The following PLCH1 variants were observed in gnomAD, a reference collection of about 807,000 sequenced individuals.
The protein encoded by PLCH1 is phospholipase C eta 1, also known as 1-phosphatidylinositol 4,5-bisphosphate phosphodiesterase eta-1.
Under a neutral mutation model 126.7 loss-of-function variants are expected in PLCH1, and 60 were observed. That is an observed-to-expected ratio of 0.47 (90% CI 0.38 to 0.59). PLCH1 has a LOEUF of 0.59. Among genes scored for constraint, PLCH1 ranks in the 20% least tolerant of loss-of-function variants. The probability of loss-of-function intolerance (pLI) is 0.00; values close to 1 mark genes in which losing one functional copy is unlikely to be tolerated. For synonymous variants in PLCH1, 719 were observed against 734.9 expected (o/e 0.98, Z 0.35); for missense variants, 1,723 against 2,040.0 (o/e 0.84, Z 2.99).
At chr3:155,534,023 T>A (rs1033176421) in intron 10 of PLCH1, among the ~76,000 whole-genome samples, 1 of 152,258 alleles carries the variant, frequency 6.6e-6, no homozygotes, top group Non-Finnish European at 1.5e-5. Context: ...CAAGGCAGTA[T>A]GGAAGAGAAA....
chr3:155,708,728 T>C (rs1746872275), intron 1 of PLCH1, among the ~76,000 whole-genome samples: 1 of 152,214 alleles, frequency 6.6e-6, no homozygotes, highest in Non-Finnish European at 1.5e-5. Flanking sequence ...TCACCTTTTT[T>C]TTCTTTTCAA....
chr3:155,490,960 C>T (rs537151435), intron 18 of PLCH1, 92 bp from the exon 19 acceptor site: 144 of 688,454 alleles, frequency 2.1e-4, no homozygotes, highest in Middle Eastern at 2.1e-3. Context: ...GTCTACATTT[C>T]GACAGCAACT....
Position 155,583,484 on chromosome 3 carries a change from C to T in PLCH1, c.759G>A (p.Lys253=), listed in dbSNP as rs1345968738. The change falls in exon 6 of 23, where the codon AAG becomes AAA. Residue 253 remains lysine (K), a synonymous_variant. Coordinates refer to ENST00000460012, the MANE Select transcript of PLCH1 (RefSeq NM_014996.4). The stretch of plus-strand genomic sequence containing the variant: ...AGTCTAATGATACCTTTTGCTCCAC[C>T]TTCAAAAACTGAGCCAGTTCTTCCA... The part of the protein sequence containing the change: ...LTVEELAQFL[K]VEQKMNNVTT... 15 of 1,602,964 alleles carry T rather than the reference C, an allele frequency of 9.4e-6. No individual in the cohort carries two copies. The African/African-American group carries it at 9.4e-5, about 10-fold the overall frequency.
intron 21 of PLCH1, among the ~76,000 whole-genome samples, chr3:155,452,007 C>T (rs553020845): frequency 2.0e-5 from 3 of 152,258 alleles, no homozygotes; most frequent in South Asian, 2.1e-4. Context: ...CCCTCTCTCT[C>T]TGTCTCTCTC....
At position 155,481,850 on chromosome 3, in the gene PLCH1, A is replaced by C; in HGVS notation, c.4176T>G (p.Phe1392Leu). Residue 1392 changes from phenylalanine (F) to leucine (L), a missense_variant, in exon 23 of 23, where the codon TTT (phenylalanine) becomes TTG (leucine). By Grantham distance (22) the Phe-to-Leu change is conservative. Coordinates refer to ENST00000460012, the MANE Select transcript of PLCH1 (RefSeq NM_014996.4). The surrounding 1 kb of genome is among the most constrained non-coding windows in gnomAD (Gnocchi z 4.2). ...AGTAGCCGTTTCTCAAACCTCTTTG[A>C]AAGTGTTCTACCACACCCTGATTGT... is the stretch of plus-strand genomic sequence containing the variant. ...LKYNQGVVEH[F>L]QRGLRNGYCK... 1.9e-6 allele frequency: 3 copies of C among 1,614,166 alleles called. No individual in the cohort carries two copies. The highest frequency in any genetic ancestry group is 1.7e-6 in the Non-Finnish European group (2 of 1,180,032).
chr3:155,719,422 G>A (rs1014680096), intron 1 of PLCH1, among the ~76,000 whole-genome samples: 6 of 152,004 alleles, frequency 3.9e-5, no homozygotes, highest in Admixed American at 1.3e-4. Context: ...TGTAAATGAC[G>A]AGTTAATGGG....
chr3:155,511,788 GT>G (rs1358277803), intron 12 of PLCH1, among the ~76,000 whole-genome samples: 1 of 150,700 alleles, frequency 6.6e-6, no homozygotes, highest in Admixed American at 6.6e-5. Context: ...GTCTGCAGAG[GT>G]TACTGCTGTC....
intron 10 of PLCH1, among the ~76,000 whole-genome samples, chr3:155,544,475 C>A (rs953668470): frequency 4.6e-5 from 7 of 152,140 alleles, no homozygotes; most frequent in African/African-American, 1.7e-4. Context: ...TTAGACAGAT[C>A]AACGAGACAG....
chr3:155,725,174 T>C (rs1185284863), intron 1 of PLCH1, among the ~76,000 whole-genome samples: 1 of 152,082 alleles, frequency 6.6e-6, no homozygotes, highest in Non-Finnish European at 1.5e-5. Flanking sequence ...TTGACCCCAA[T>C]CCCTTCTAGT....
chr3:155,600,602 T>TA (rs5853725), intron 2 of PLCH1, among the ~76,000 whole-genome samples: 3,390 of 128,220 alleles, frequency 0.026, 113 homozygotes, highest in African/African-American at 0.094. Context: ...TTAAGATAGC[T>TA]AAAAAAAAAA....
downstream of PLCH1, among the ~76,000 whole-genome samples, chr3:155,479,148 T>C (rs552653334): frequency 3.0e-4 from 45 of 152,102 alleles, no homozygotes; most frequent in Non-Finnish European, 1.5e-5. Flanking sequence ...AAAGATACCG[T>C]CAAATCCTAA....
In PLCH1 at chr3:155,490,866, G is replaced by A. The variant is rs1233623248; in HGVS notation, c.2310C>T (p.Ile770=). The change falls in exon 19 of 23, where the codon ATC becomes ATT. Residue 770 remains isoleucine (I), a splice_region_variant and synonymous_variant. Transcript: ENST00000460012. ...PDSMFGDRGE[I]IDPFVEVEII... ...TTTCAACTTCAACAAAAGGGTCAAT[G>A]ATCTATTAAGTAAAGAGAAAGTACT... 1.3e-6 allele frequency: 2 copies of A among 1,495,180 alleles called. No homozygotes were observed. The highest frequency in any genetic ancestry group is 2.3e-5 in the East Asian group (1 of 44,200). 92.6% of individuals were successfully genotyped at this position (1,495,180 alleles called of 1,614,324 possible).
intron 1 of PLCH1, among the ~76,000 whole-genome samples, chr3:155,741,641 TC>T (rs1304159141): frequency 1.3e-5 from 2 of 151,512 alleles, no homozygotes; most frequent in Non-Finnish European, 2.9e-5. Context: ...GTTTAAATAC[TC>T]TATTGTATTC....
intron 1 of PLCH1, chr3:155,743,532 A>T (rs1184156278): frequency 2.2e-6 from 1 of 451,492 alleles, no homozygotes; most frequent in African/African-American, 2.0e-5. Context: ...ACTCCGTCTC[A>T]AAAAAGAAAA....
At chr3:155,741,261 G>A (rs1265703903) in intron 1 of PLCH1, among the ~76,000 whole-genome samples, 1 of 152,180 alleles carries the variant, frequency 6.6e-6, no homozygotes, top group Non-Finnish European at 1.5e-5. Context: ...AAGCCAGCCT[G>A]GAATAAGCCC....
intron 10 of PLCH1, among the ~76,000 whole-genome samples, chr3:155,546,113 T>C (rs1161472035): frequency 6.6e-6 from 1 of 152,188 alleles, no homozygotes; most frequent in African/African-American, 2.4e-5. Flanking sequence ...TGTTTGCAGA[T>C]GACATGTTTG....
At chr3:155,567,839 C>T (rs920932683) in intron 7 of PLCH1, among the ~76,000 whole-genome samples, 5 of 151,896 alleles carry the variant, frequency 3.3e-5, no homozygotes, top group African/African-American at 7.3e-5. Flanking sequence ...CAGTCAGTTG[C>T]TACCATTTTA....
intron 2 of PLCH1, among the ~76,000 whole-genome samples, chr3:155,699,083 T>A (rs1271620791): frequency 6.9e-6 from 1 of 144,916 alleles, no homozygotes; most frequent in East Asian, 2.0e-4. Flanking sequence ...ATCTTTTATC[T>A]TTTTTTTTTT....
Position 155,482,191 on chromosome 3 carries a change from G to C in PLCH1, c.3835C>G (p.Pro1279Ala), listed in dbSNP as rs756788521. The change falls in exon 23 of 23, where the codon CCA becomes GCA. Residue 1279 changes from proline (P) to alanine (A), a missense_variant. Pro to Ala is a conservative substitution (Grantham distance 27). Transcript: ENST00000460012. ...TTCTPISKTK[P>A]DDDLSSKAKT... ...GCCTTACTAGAAAGGTCATCATCTG[G>C]TTTGGTTTTAGAGATGGGAGTGCAG... 1 of 1,614,080 alleles carries C rather than the reference G, an allele frequency of 6.2e-7. No individual in the cohort carries two copies. The highest frequency in any genetic ancestry group is 2.2e-5 in the East Asian group (1 of 44,898).
Sources: gnomAD v4.1 joint callset for allele counts (sites outside exome capture counted in the v4.1 genomes callset) on GRCh38, gnomAD v4.1.1 for gene constraint, Gnocchi (gnomAD v3.1) non-coding constraint, MANE v1.5 for transcripts, NCBI Gene and HGNC (gene_info 2026-07-23, HGNC 2026-07-21) for gene names.